The following CNTNAP3B variants were observed in gnomAD, a reference collection of about 807,000 sequenced individuals.
CNTNAP3B encodes the protein contactin-associated protein-like 3B.
A neutral mutation model predicts 108.9 loss-of-function variants in CNTNAP3B; 25 were observed. The ratio of observed to expected loss-of-function variants is 0.23; its 90% CI spans 0.17 to 0.32. The LOEUF is 0.32. Among genes scored for constraint, CNTNAP3B ranks in the 10% least tolerant of loss-of-function variants. The pLI is 1.00. For missense variants in CNTNAP3B, 252 were observed against 1,210.4 expected, an observed-to-expected ratio of 0.21 and a Z score of 11.75; for synonymous variants, 103 against 473.4, an observed-to-expected ratio of 0.22 and a Z score of 10.16.
rs1825678347 is a variant in CNTNAP3B at position 41,983,840 on chromosome 9, G to C, written c.1477+2328C>G. ...CGAGGCGGTCGAATCACAAGGTCAG[G>C]AGATCGAGACCATCCTGGCTAACAT... On this transcript the variant is annotated intron_variant, in intron 9 of 23. Transcript: ENST00000377561. The C allele has an allele frequency of 2.2e-5, 2 of 89,998 alleles. 1 individual carries two copies. Among genetic ancestry groups the C allele is most frequent in the African/African-American group, 8.5e-5 (2 of 23,486 alleles). 5.6% of individuals were successfully genotyped at this position (89,998 alleles called of 1,614,324 possible).
chr9:41,937,219 C>T (rs1334336933), intron 14 of CNTNAP3B, among the ~76,000 whole-genome samples: 2 of 150,056 alleles, frequency 1.3e-5, no homozygotes, highest in African/African-American at 2.5e-5. Context: ...CCTCTACCTC[C>T]TGGGTTAAGC....
At chr9:42,120,650 T>G (rs1320060760) in intron 1 of CNTNAP3B, among the ~76,000 whole-genome samples, 1 of 136,740 alleles carries the variant, frequency 7.3e-6, no homozygotes, top group Non-Finnish European at 1.6e-5. Flanking sequence ...CCATAAAAAA[T>G]GATGAGTTCA....
intron 13 of CNTNAP3B, among the ~76,000 whole-genome samples, chr9:41,940,692 G>A (rs1282020686): frequency 6.6e-6 from 1 of 152,146 alleles, no homozygotes; most frequent in African/African-American, 2.4e-5. Flanking sequence ...GCGGGAGCCT[G>A]TAGTCCCAGC....
chr9:41,945,727 A>C (rs1228386498), intron 13 of CNTNAP3B, among the ~76,000 whole-genome samples: 1 of 152,308 alleles, frequency 6.6e-6, no homozygotes, highest in Non-Finnish European at 1.5e-5. Flanking sequence ...ACAAACCTGC[A>C]TGTTGTGCAC....
At chr9:42,127,919 C>T (rs1258589675) in intron 1 of CNTNAP3B, among the ~76,000 whole-genome samples, 1 of 139,372 alleles carries the variant, frequency 7.2e-6, no homozygotes, top group Non-Finnish European at 1.5e-5. Context: ...TGAAAGCTAC[C>T]CTTGGTTATC....
At position 41,929,479 on chromosome 9, in the gene CNTNAP3B, C is replaced by A. The variant is rs1403660941; in HGVS notation, c.2238-35G>T. 4 of 1,517,814 alleles carry A rather than the reference C, an allele frequency of 2.6e-6. 1 individual carries two copies. In the East Asian group the frequency reaches 9.5e-5, roughly 36 times the overall value. The allele number at this position is 1,517,814 out of a possible 1,614,324, so 94.0% of individuals were successfully genotyped here. A position where few individuals can be genotyped will look rare whatever the true frequency, so the allele number is the denominator to read the frequency against. On this transcript the variant is annotated intron_variant, in intron 14 of 23. Coordinates refer to ENST00000377561, the MANE Select transcript of CNTNAP3B (RefSeq NM_001201380.3). ...AACAACCGAAACCATTAAAATTATTCTGATTAACATACGGGCAAAATTAAC... is the reference window on the plus strand; with the variant it reads ...AACAACCGAAACCATTAAAATTATTATGATTAACATACGGGCAAAATTAAC...
At chr9:42,088,369 ACCAG>A (rs1403879430) in intron 2 of CNTNAP3B, among the ~76,000 whole-genome samples, 1 of 136,264 alleles carries the variant, frequency 7.3e-6, no homozygotes, top group Non-Finnish European at 1.6e-5. Flanking sequence ...AGAGAATCAG[ACCAG>A]CCAAATATTT....
chr9:41,933,972 G>T (rs1824059597), intron 14 of CNTNAP3B, among the ~76,000 whole-genome samples: 1 of 141,774 alleles, frequency 7.1e-6, no homozygotes, highest in Admixed American at 7.0e-5. Flanking sequence ...AACGATATAT[G>T]GCTGCTATAT....
chr9:42,033,295 GCA>G (rs2118488020), intron 3 of CNTNAP3B, among the ~76,000 whole-genome samples: 1 of 150,328 alleles, frequency 6.7e-6, no homozygotes, highest in South Asian at 2.1e-4. Flanking sequence ...CCATCTTTGA[GCA>G]ATAAACTAGA....
intron 12 of CNTNAP3B, among the ~76,000 whole-genome samples, chr9:41,959,753 A>G (rs1313915433): frequency 3.3e-5 from 5 of 152,308 alleles, no homozygotes; most frequent in Non-Finnish European, 7.3e-5. Flanking sequence ...TTAAATGCCC[A>G]TGTAATTTCA....
chr9:42,037,185 A>T (rs1024962144), intron 3 of CNTNAP3B, among the ~76,000 whole-genome samples: 2 of 148,548 alleles, frequency 1.3e-5, no homozygotes. Context: ...AATGGAACAA[A>T]GCGGGACGGA....
intron 11 of CNTNAP3B, among the ~76,000 whole-genome samples, chr9:41,964,103 T>C (rs1157320947): frequency 6.6e-6 from 1 of 152,308 alleles, no homozygotes; most frequent in Non-Finnish European, 1.5e-5. Context: ...CCAGTGATTG[T>C]TAAAAAATCT....
chr9:41,925,945 A>G (rs556353592), intron 15 of CNTNAP3B, among the ~76,000 whole-genome samples: 190 of 152,212 alleles, frequency 1.2e-3, no homozygotes, highest in African/African-American at 4.4e-3. Context: ...CCAGATCTGC[A>G]GGCTATTTAC....
intron 11 of CNTNAP3B, among the ~76,000 whole-genome samples, chr9:41,961,861 T>G (rs1587151089): frequency 1.3e-5 from 2 of 152,418 alleles, no homozygotes; most frequent in African/African-American, 4.8e-5. Context: ...GTACAAGGTA[T>G]GGAATTAATA....
chr9:41,924,651 A>G (rs1310016934), intron 15 of CNTNAP3B, among the ~76,000 whole-genome samples: 1,796 of 8,972 alleles, frequency 0.2, 6 homozygotes, highest in Non-Finnish European at 0.29. Context: ...TCCTGCACAC[A>G]CACACACACA....
chr9:41,940,665 A>C (rs1254189011), intron 13 of CNTNAP3B, among the ~76,000 whole-genome samples: 1 of 152,246 alleles, frequency 6.6e-6, no homozygotes, highest in African/African-American at 2.4e-5. Context: ...AAATACAAAA[A>C]ATAGACGAGC....
At chr9:41,938,622 T>C (rs1824232801) in intron 13 of CNTNAP3B, among the ~76,000 whole-genome samples, 1 of 152,290 alleles carries the variant, frequency 6.6e-6, no homozygotes, top group Non-Finnish European at 1.5e-5. Flanking sequence ...AATGATTCCA[T>C]CTATTTTTCT....
chr9:42,006,018 C>T lies in CNTNAP3B; in HGVS notation c.538+7360G>A, dbSNP rs1296313057. ...TTTCAAAAAAATGTTTTGGCAAAGG[C>T]CTTCAAATCTCAGTTGGGACTAGTG... On this transcript the variant is annotated intron_variant, in intron 4 of 23. Coordinates refer to ENST00000377561, the MANE Select transcript of CNTNAP3B (RefSeq NM_001201380.3). Among the ~76,000 whole-genome samples the T allele has an allele frequency of 5.3e-5, 2 of 37,462 alleles. 1 individual carries two copies. The highest frequency in any genetic ancestry group is 1.3e-4 in the African/African-American group (2 of 15,030). The allele number at this position is 37,462 out of a possible 152,430, so 24.6% of individuals were successfully genotyped here. A position where few individuals can be genotyped will look rare whatever the true frequency, so the allele number is the denominator to read the frequency against.
At chr9:41,938,587 C>A (rs1398306332) in intron 13 of CNTNAP3B, among the ~76,000 whole-genome samples, 187 bp from the exon 14 acceptor site, 64 of 152,306 alleles carry the variant, frequency 4.2e-4, no homozygotes, top group African/African-American at 1.4e-3. Flanking sequence ...ATGTTTTTCC[C>A]CCAATATTTC....
Sources: gnomAD v4.1 joint callset for allele counts (sites outside exome capture counted in the v4.1 genomes callset) on GRCh38, gnomAD v4.1.1 for gene constraint, MANE v1.5 for transcripts, NCBI Gene and HGNC (gene_info 2026-07-23, HGNC 2026-07-21) for gene names.